Variants in FMN2 observed in about 807,000 individuals in gnomAD.
FMN2 encodes the protein formin 2.
In FMN2, 51 loss-of-function variants were observed where a neutral mutation model predicts 142.3. The ratio of observed to expected loss-of-function variants is 0.36; its 90% CI spans 0.29 to 0.45. FMN2 has a LOEUF of 0.45. Ranked by LOEUF, FMN2 falls within the 20% of genes least tolerant of loss-of-function variation. FMN2 has a pLI of 1.00. For synonymous variants in FMN2, 882 were observed against 869.8 expected (o/e 1.01, Z -0.25); for missense variants, 1,936 against 2,122.8 (o/e 0.91, Z 1.73).
At chr1:240,437,492 C>G (rs576817685) in intron 15 of FMN2, among the ~76,000 whole-genome samples, 1 of 151,750 alleles carries the variant, frequency 6.6e-6, no homozygotes. Flanking sequence ...TTAGTAGAGA[C>G]AGGGTTTCAC....
intron 14 of FMN2, among the ~76,000 whole-genome samples, chr1:240,376,958 C>A (rs561447094): frequency 2.0e-5 from 3 of 152,274 alleles, no homozygotes; most frequent in Admixed American, 6.5e-5. Flanking sequence ...TACTGTCATT[C>A]TCCCTTCTGT....
At chr1:240,392,019 C>G (rs960630519) in intron 14 of FMN2, among the ~76,000 whole-genome samples, 1 of 151,924 alleles carries the variant, frequency 6.6e-6, no homozygotes, top group African/African-American at 2.4e-5. Context: ...TCAGAACAGA[C>G]CATGATCTGT....
intron 1 of FMN2, among the ~76,000 whole-genome samples, chr1:240,098,867 C>T (rs186859763): frequency 7.1e-4 from 108 of 152,164 alleles, no homozygotes; most frequent in African/African-American, 2.2e-3. Flanking sequence ...ATAAGCCATG[C>T]GTATTTGAAA....
At chr1:240,261,906 G>T (rs1312715776) in intron 7 of FMN2, among the ~76,000 whole-genome samples, 2 of 152,092 alleles carry the variant, frequency 1.3e-5, no homozygotes, top group East Asian at 3.9e-4. Context: ...TTTGAAGTCT[G>T]AGATGAAAGT....
At chr1:240,201,987 C>T (rs1386964770) in intron 4 of FMN2, among the ~76,000 whole-genome samples, 1 of 152,160 alleles carries the variant, frequency 6.6e-6, no homozygotes, top group Non-Finnish European at 1.5e-5. Context: ...GTAGAGTGGA[C>T]ATTTGAATGT....
chr1:240,225,189 A>G (rs1286334048), intron 6 of FMN2, among the ~76,000 whole-genome samples: 1 of 152,162 alleles, frequency 6.6e-6, no homozygotes, highest in Non-Finnish European at 1.5e-5. Context: ...GGCAGTCTGA[A>G]AGCTGTGTAC....
chr1:240,426,586 A>G (rs1190674820), intron 15 of FMN2, among the ~76,000 whole-genome samples: 1 of 152,122 alleles, frequency 6.6e-6, no homozygotes, highest in African/African-American at 2.4e-5. Context: ...CCATCACTCA[A>G]CTTCAACAAC....
chr1:240,277,709 A>G lies in FMN2; in HGVS notation c.4154-17113A>G, dbSNP rs536093603. Among the ~76,000 whole-genome samples, 4 of 151,026 alleles carry G rather than the reference A, an allele frequency of 2.6e-5. No individual in the cohort carries two copies. The East Asian group carries it at 7.8e-4, about 30-fold the overall frequency. ...CACCATGCCCGGCTAATTTTTTTGT[A>G]TTTTTAGTAGAGACGAGGTTTCACC... is the stretch of plus-strand genomic sequence containing the variant. On this transcript the variant is annotated intron_variant, in intron 7 of 17. Coordinates refer to ENST00000319653, the MANE Select transcript of FMN2 (RefSeq NM_020066.5).
In FMN2 at chr1:240,287,952, T is replaced by C. The variant is rs1669648628; in HGVS notation, c.4154-6870T>C. Among the ~76,000 whole-genome samples the C allele has an allele frequency of 2.0e-5, 3 of 152,296 alleles. No individual in the cohort carries two copies. The South Asian group carries it at 6.2e-4, about 32-fold the overall frequency. On this transcript the variant is annotated intron_variant, in intron 7 of 17. Coordinates refer to ENST00000319653, the MANE Select transcript of FMN2 (RefSeq NM_020066.5). Reference sequence around the variant, plus strand: ...TCAGGTGGCAATGTGACATGACATATTATCTTTGTGTTCTGTATTTTTGAG... The same window carrying C: ...TCAGGTGGCAATGTGACATGACATACTATCTTTGTGTTCTGTATTTTTGAG...
intron 15 of FMN2, among the ~76,000 whole-genome samples, chr1:240,402,452 G>A (rs1418114257): frequency 3.3e-5 from 5 of 152,226 alleles, no homozygotes; most frequent in East Asian, 3.8e-4. Context: ...AAAGTAAGGC[G>A]GCTGGGCAGA....
chr1:240,351,858 C>T (rs951426815), intron 13 of FMN2, among the ~76,000 whole-genome samples: 1 of 152,096 alleles, frequency 6.6e-6, no homozygotes, highest in South Asian at 2.1e-4. Flanking sequence ...CCCCAAGACA[C>T]TGTATGATGT....
At chr1:240,329,652 G>C (rs3795679) in intron 10 of FMN2, among the ~76,000 whole-genome samples, 184 bp downstream of exon 10, 45,019 of 152,002 alleles carry the variant, frequency 0.3, 6,753 homozygotes, top group East Asian at 0.33. Context: ...TCCGGCGGGC[G>C]CCCAGGGCTA....
chr1:240,131,443 A>G (rs905564115), intron 2 of FMN2, among the ~76,000 whole-genome samples: 16 of 152,024 alleles, frequency 1.1e-4, no homozygotes, highest in African/African-American at 3.9e-4. Context: ...GCGGTGGCTC[A>G]CACGCCTGTA....
intron 15 of FMN2, among the ~76,000 whole-genome samples, chr1:240,431,423 T>TATATATATATACAC (rs1491221486): frequency 3.1e-5 from 4 of 130,932 alleles, no homozygotes; most frequent in African/African-American, 1.1e-4. Context: ...TATATATATA[T>TATATATATATACAC]ACATATATAT....
At chr1:240,280,834 T>C (rs1669371472) in intron 7 of FMN2, among the ~76,000 whole-genome samples, 1 of 152,154 alleles carries the variant, frequency 6.6e-6, no homozygotes. Context: ...AAATCTTATC[T>C]AAACAGTTGA....
Position 240,333,951 on chromosome 1 carries a change from G to A in FMN2, c.4644+5G>A. Reference sequence around the variant, plus strand: ...TATCTCCGAAATTTTGATGAGGTAAGACAATTTTTACATATAGTCATATTC... The same window carrying A: ...TATCTCCGAAATTTTGATGAGGTAAAACAATTTTTACATATAGTCATATTC... On this transcript the variant is annotated splice_donor_5th_base_variant and intron_variant, in intron 12 of 17. Coordinates refer to ENST00000319653, the MANE Select transcript of FMN2 (RefSeq NM_020066.5). 6.2e-7 allele frequency: 1 copy of A among 1,606,438 alleles called. No individual in the cohort carries two copies. The highest frequency in any genetic ancestry group is 1.1e-5 in the South Asian group (1 of 89,000).
intron 8 of FMN2, among the ~76,000 whole-genome samples, chr1:240,314,750 C>G (rs1335960079): frequency 6.6e-6 from 1 of 152,074 alleles, no homozygotes; most frequent in Admixed American, 6.6e-5. Flanking sequence ...CTCAGGAGGT[C>G]TTTGCTCAGG....
chr1:240,417,337 T>G (rs959544642), intron 15 of FMN2, among the ~76,000 whole-genome samples: 3 of 151,792 alleles, frequency 2.0e-5, no homozygotes, highest in African/African-American at 7.3e-5. Context: ...AGTCAGCTTC[T>G]TCCAGAGAGG....
chr1:240,153,844 C>T (rs889545194), intron 2 of FMN2, among the ~76,000 whole-genome samples: 1 of 152,032 alleles, frequency 6.6e-6, no homozygotes, highest in Non-Finnish European at 1.5e-5. Context: ...CAGCCGGGCG[C>T]TGTGGCTCAC....
Sources: gnomAD v4.1 joint callset for allele counts (sites outside exome capture counted in the v4.1 genomes callset) on GRCh38, gnomAD v4.1.1 for gene constraint, MANE v1.5 for transcripts, NCBI Gene and HGNC (gene_info 2026-07-23, HGNC 2026-07-21) for gene names.